Variants in PTPRD observed in about 807,000 individuals in gnomAD.
PTPRD encodes the protein receptor-type tyrosine-protein phosphatase delta.
PTPRD carries 34 observed loss-of-function variants against 214.5 expected under a neutral mutation model. That is an observed-to-expected ratio of 0.16 (90% CI 0.12 to 0.21). The LOEUF is 0.21. Ranked by LOEUF, PTPRD falls within the 10% of genes least tolerant of loss-of-function variation. The pLI is 1.00. For missense variants in PTPRD, 2,545 were observed against 2,398.7 expected, an observed-to-expected ratio of 1.06 and a Z score of -1.27; for synonymous variants, 1,128 against 845.7, an observed-to-expected ratio of 1.33 and a Z score of -5.79.
chr9:8,929,915 GTGTA>G (rs1170353529), intron 11 of PTPRD, among the ~76,000 whole-genome samples: 4 of 37,546 alleles, frequency 1.1e-4, no homozygotes, highest in East Asian at 4.7e-3. Context: ...ATATATGTGT[GTGTA>G]TATATATATG....
intron 30 of PTPRD, among the ~76,000 whole-genome samples, chr9:8,481,807 G>A (rs1398054430): frequency 6.7e-6 from 1 of 149,070 alleles, no homozygotes; most frequent in Non-Finnish European, 1.5e-5. Context: ...TTTTGAGACG[G>A]AGTATACCTC....
chr9:9,074,169 A>G (rs1019043536), intron 10 of PTPRD, among the ~76,000 whole-genome samples: 3 of 152,142 alleles, frequency 2.0e-5, no homozygotes, highest in African/African-American at 7.2e-5. Flanking sequence ...ACTTATTTTG[A>G]CAGTGAAATG....
intron 2 of PTPRD, among the ~76,000 whole-genome samples, chr9:10,466,246 A>G (rs1194289404): frequency 6.6e-6 from 1 of 152,210 alleles, no homozygotes; most frequent in African/African-American, 2.4e-5. Context: ...GCCTGAAATT[A>G]TACTAGCGAA....
chr9:9,595,880 A>T (rs775013716), intron 7 of PTPRD, among the ~76,000 whole-genome samples: 3 of 151,948 alleles, frequency 2.0e-5, no homozygotes, highest in Non-Finnish European at 4.4e-5. Context: ...AAAATTTCAC[A>T]AATCAACTGC....
intron 2 of PTPRD, among the ~76,000 whole-genome samples, chr9:10,481,549 G>A (rs1272362931): frequency 6.6e-6 from 1 of 152,100 alleles, no homozygotes; most frequent in Non-Finnish European, 1.5e-5. Flanking sequence ...TGATTTGTGT[G>A]TTATCAATGT....
At chr9:8,652,002 T>C (rs113283594) in intron 12 of PTPRD, among the ~76,000 whole-genome samples, 33 of 152,306 alleles carry the variant, frequency 2.2e-4, no homozygotes, top group African/African-American at 7.9e-4. Flanking sequence ...CACGCTTTTC[T>C]AGAGAAACAC....
chr9:10,039,495 G>A (rs1324425241), intron 3 of PTPRD, among the ~76,000 whole-genome samples: 1 of 152,012 alleles, frequency 6.6e-6, no homozygotes, highest in East Asian at 1.9e-4. Flanking sequence ...AATGGTGAAA[G>A]TTACACAAGT....
chr9:9,132,049 C>T (rs1017162512), intron 10 of PTPRD, among the ~76,000 whole-genome samples: 1 of 152,018 alleles, frequency 6.6e-6, no homozygotes, highest in East Asian at 1.9e-4. Flanking sequence ...TCTCTGTTGC[C>T]CAGGCTGGAG....
chr9:8,991,218 CAAA>C (rs575292337), intron 11 of PTPRD, among the ~76,000 whole-genome samples: 4 of 57,400 alleles, frequency 7.0e-5, no homozygotes, highest in African/African-American at 6.4e-5. Flanking sequence ...CACTCTGTCT[CAAA>C]AAAAAAAAAA....
At chr9:9,584,207 ATAT>A (rs2091455377) in intron 7 of PTPRD, among the ~76,000 whole-genome samples, 1 of 151,918 alleles carries the variant, frequency 6.6e-6, no homozygotes, top group Non-Finnish European at 1.5e-5. Context: ...GAAATAGTTT[ATAT>A]ATATGAAGTG....
intron 3 of PTPRD, among the ~76,000 whole-genome samples, chr9:10,136,710 T>C (rs1280361138): frequency 1.2e-5 from 1 of 85,658 alleles, no homozygotes; most frequent in African/African-American, 5.1e-5. Context: ...GGGATCTAAT[T>C]AAACTAAAGA....
At chr9:10,395,480 T>A (rs754837097) in intron 2 of PTPRD, among the ~76,000 whole-genome samples, 5 of 151,940 alleles carry the variant, frequency 3.3e-5, no homozygotes, top group Non-Finnish European at 7.4e-5. Flanking sequence ...TTCAAAATAC[T>A]ATCATTACTG....
intron 10 of PTPRD, among the ~76,000 whole-genome samples, chr9:9,172,328 A>G (rs1460570463): frequency 6.6e-6 from 1 of 152,200 alleles, no homozygotes; most frequent in African/African-American, 2.4e-5. Context: ...ACATAGTAAT[A>G]AAGTCAACAA....
chr9:8,373,872 A>G (rs199713633), intron 39 of PTPRD, among the ~76,000 whole-genome samples: 5,657 of 19,668 alleles, frequency 0.29, 179 homozygotes, highest in African/African-American at 0.33. Flanking sequence ...CTGTCTATCT[A>G]TCTATCTATC....
chr9:8,920,731 T>C (rs1455151216), intron 11 of PTPRD, among the ~76,000 whole-genome samples: 1 of 152,318 alleles, frequency 6.6e-6, no homozygotes, highest in East Asian at 1.9e-4. Flanking sequence ...TTACACGCAA[T>C]TGATATAAGA....
chr9:9,735,798 T>C (rs545303380), intron 6 of PTPRD, among the ~76,000 whole-genome samples: 2 of 152,168 alleles, frequency 1.3e-5, no homozygotes, highest in African/African-American at 4.8e-5. Context: ...CTTAGTTCTA[T>C]TAACGACCTA....
At position 8,388,533 on chromosome 9, in the gene PTPRD, T is replaced by C. The variant is rs2088092506; in HGVS notation, c.4386+699A>G. Among the ~76,000 whole-genome samples the C allele has an allele frequency of 2.0e-5, 3 of 152,302 alleles. No individual in the cohort carries two copies. In the South Asian group the frequency reaches 6.2e-4, roughly 32 times the overall value. ...GTACTCAGGAATATGGTATACTGCT[T>C]ACCCATTATTTTTTAGTCCTTCAAA... On this transcript the variant is annotated intron_variant, in intron 37 of 45. Coordinates refer to ENST00000381196, the MANE Select transcript of PTPRD (RefSeq NM_002839.4).
chr9:8,660,873 G>C (rs183017015), intron 12 of PTPRD, among the ~76,000 whole-genome samples: 11 of 152,148 alleles, frequency 7.2e-5, no homozygotes, highest in Middle Eastern at 3.4e-3. Context: ...CTGGATAGCA[G>C]TAACAGTGAG....
intron 12 of PTPRD, among the ~76,000 whole-genome samples, chr9:8,644,094 C>T (rs1465379598): frequency 6.6e-6 from 1 of 152,150 alleles, no homozygotes; most frequent in Non-Finnish European, 1.5e-5. Context: ...ATGGGACAAC[C>T]AGCTGCAAAA....
Sources: gnomAD v4.1 joint callset for allele counts (sites outside exome capture counted in the v4.1 genomes callset) on GRCh38, gnomAD v4.1.1 for gene constraint, MANE v1.5 for transcripts, NCBI Gene and HGNC (gene_info 2026-07-23, HGNC 2026-07-21) for gene names.